Variants in WDR62 observed in about 807,000 individuals in gnomAD.
The protein encoded by WDR62 is WD repeat domain 62, also known as WD repeat-containing protein 62.
Under a neutral mutation model 160.6 loss-of-function variants are expected in WDR62, and 112 were observed. The ratio of observed to expected loss-of-function variants is 0.70; its 90% CI spans 0.60 to 0.82. The LOEUF (loss-of-function observed/expected upper bound fraction) is 0.82. Among genes scored for constraint, WDR62 ranks in the 40% least tolerant of loss-of-function variants. The pLI, the probability that WDR62 is intolerant of heterozygous loss-of-function variation, is 0.00. For synonymous variants in WDR62, 792 were observed against 815.1 expected (o/e 0.97, Z 0.48); for missense variants, 1,819 against 1,983.8 (o/e 0.92, Z 1.58).
intron 23 of WDR62, 48 bp downstream of exon 23, chr19:36,100,923 C>T: frequency 6.2e-7 from 1 of 1,613,242 alleles, no homozygotes; most frequent in Non-Finnish European, 8.5e-7. Context: ...GAACCCCCAG[C>T]TGATAGCTGC....
chr19:36,086,248 G>A (rs1453704659), intron 12 of WDR62, among the ~76,000 whole-genome samples: 1 of 151,998 alleles, frequency 6.6e-6, no homozygotes, highest in Non-Finnish European at 1.5e-5. Flanking sequence ...GCTGGTGGCA[G>A]ATGGGAGTCT....
chr19:36,066,233 C>G (rs771948844), intron 4 of WDR62, 24 bp from the exon 5 acceptor site: 8 of 1,613,826 alleles, frequency 5.0e-6, no homozygotes, highest in Non-Finnish European at 6.8e-6. Context: ...AGCCCAGCAG[C>G]AGTAACGACC....
rs771023897 is a variant in WDR62, at chr19:36,101,187, C to T, written c.2868-27C>T. The T allele has an allele frequency of 5.7e-6, 9 of 1,590,496 alleles. No individual in the cohort carries two copies. The African/African-American group carries it at 8.0e-5, about 14-fold the overall frequency. ...TGAGTCTCCAGCTGAAGTCCTTGTT[C>T]CCTCTCTGCCCCCACTGGCACTGCA... is the stretch of plus-strand genomic sequence containing the variant. On this transcript the variant is annotated intron_variant, in intron 23 of 31. Transcript: ENST00000401500.
At chr19:36,081,709 C>T in intron 10 of WDR62, 139 bp downstream of exon 10, 4 of 1,066,828 alleles carry the variant, frequency 3.7e-6, no homozygotes, top group Non-Finnish European at 5.7e-6. Context: ...AAGGCAGGTC[C>T]CTCTCTGCAT....
chr19:36,098,819 A>T (rs1973136169), intron 21 of WDR62, among the ~76,000 whole-genome samples: 1 of 151,960 alleles, frequency 6.6e-6, no homozygotes, highest in Non-Finnish European at 1.5e-5. Flanking sequence ...AAAGTTCATG[A>T]ATCCCAGCTG....
In WDR62 at chr19:36,104,574, G is replaced by A; in HGVS notation, c.4210G>A (p.Val1404Ile). The change falls in exon 31 of 32, where the codon GTT becomes ATT. Residue 1404 changes from valine to isoleucine, a missense_variant. By Grantham distance (29) the Val-to-Ile change is conservative. Coordinates refer to ENST00000401500, the MANE Select transcript of WDR62 (RefSeq NM_001083961.2). Reference protein sequence around the residue: ...PARWSEPWVPVEALPPSPLEL... With the variant: ...PARWSEPWVPIEALPPSPLEL... ...CCGCTGGAGTGAGCCCTGGGTGCCG[G>A]TTGAAGCCCTGCCCCCATCTCCCCT... is the stretch of plus-strand genomic sequence containing the variant. 1 of 1,613,900 alleles carries A rather than the reference G, an allele frequency of 6.2e-7. No homozygotes were observed. Among genetic ancestry groups the A allele is most frequent in the Non-Finnish European group, 8.5e-7 (1 of 1,179,992 alleles).
At chr19:36,061,895 C>T (rs948944882) in intron 3 of WDR62, 1 of 150,796 alleles carries the variant, frequency 6.6e-6, no homozygotes, top group Non-Finnish European at 1.5e-5. Context: ...GTACAAAGAG[C>T]TCCTATATAC....
intron 21 of WDR62, among the ~76,000 whole-genome samples, chr19:36,099,071 A>G (rs1973154501): frequency 6.6e-6 from 1 of 151,916 alleles, no homozygotes; most frequent in Non-Finnish European, 1.5e-5. Context: ...AAAATACAAA[A>G]ATTAGCCAGG....
Position 36,066,283 on chromosome 19 carries a change from C to A in WDR62, c.417C>A (p.Ile139=). 1 of 1,614,230 alleles carries A rather than the reference C, an allele frequency of 6.2e-7. No individual in the cohort carries two copies. Among genetic ancestry groups the A allele is most frequent in the South Asian group, 1.1e-5 (1 of 91,092 alleles). Residue 139 remains isoleucine (I), a synonymous_variant, in exon 5 of 32, where the codon ATC becomes ATA. Transcript: ENST00000401500. The part of the protein sequence containing the change: ...GENGHRPAVR[I]WDVEEKNQVA... Reference sequence around the variant, plus strand: ...ATGGGCATAGGCCTGCTGTGCGCATCTGGGATGTGGAGGAGAAGAATCAGG... The same window carrying A: ...ATGGGCATAGGCCTGCTGTGCGCATATGGGATGTGGAGGAGAAGAATCAGG...
At chr19:36,078,379 C>G (rs1329346035) in intron 9 of WDR62, among the ~76,000 whole-genome samples, 1 of 151,652 alleles carries the variant, frequency 6.6e-6, no homozygotes, top group Non-Finnish European at 1.5e-5. Context: ...AACTCCTCGC[C>G]TCAAGTGATT....
intron 13 of WDR62, among the ~76,000 whole-genome samples, chr19:36,088,101 C>T (rs1409824541): frequency 6.6e-6 from 1 of 152,184 alleles, no homozygotes; most frequent in East Asian, 1.9e-4. Context: ...CCTCCTTGAG[C>T]AACATCTAAT....
In WDR62 at chr19:36,059,724, G is replaced by A. The variant is rs1041085343; in HGVS notation, c.270-244G>A. ...GTGCTGGGATTATAGCCAGCTTAAG[G>A]TCTTAATTAGCCTAGGGCCTGACAG... On this transcript the variant is annotated intron_variant, in intron 2 of 31. Coordinates refer to ENST00000401500, the MANE Select transcript of WDR62 (RefSeq NM_001083961.2). Among the ~76,000 whole-genome samples the A allele has an allele frequency of 1.3e-5, 2 of 152,234 alleles. 1 individual carries two copies. The highest frequency in any genetic ancestry group is 6.8e-3 in the Middle Eastern group (2 of 294).
intron 3 of WDR62, chr19:36,061,664 T>A (rs1420734251): frequency 6.6e-6 from 1 of 152,208 alleles, no homozygotes; most frequent in Non-Finnish European, 1.5e-5. Flanking sequence ...GTAGATGGTA[T>A]GCAGGTGTCC....
At chr19:36,065,874 C>A in intron 3 of WDR62, 84 bp from the exon 4 acceptor site, 1 of 1,348,230 alleles carries the variant, frequency 7.4e-7, no homozygotes, top group South Asian at 1.2e-5. Flanking sequence ...CAGAAGAGGG[C>A]AGAGTCCTAT....
At chr19:36,080,490 G>C (rs1462767729) in intron 9 of WDR62, among the ~76,000 whole-genome samples, 3 of 150,808 alleles carry the variant, frequency 2.0e-5, no homozygotes, top group Non-Finnish European at 4.4e-5. Context: ...GCAATGGCGC[G>C]ATCTTGGCTC....
intron 9 of WDR62, chr19:36,074,104 G>A (rs1971450798): frequency 7.7e-6 from 2 of 258,692 alleles, no homozygotes; most frequent in Admixed American, 4.8e-5. Context: ...TTTGAGACCA[G>A]CCTGGGCAAC....
In WDR62 at chr19:36,071,736, G is replaced by A. The variant is rs751886282; in HGVS notation, c.1043+20G>A. 5 of 1,603,870 alleles carry A rather than the reference G, an allele frequency of 3.1e-6. No individual in the cohort carries two copies. In the South Asian group the frequency reaches 4.4e-5, roughly 14 times the overall value. ...GCCCAGGTACTGCCCTGTGGGGAGA[G>A]GGAATGGGAGGGGCCCACCCAGAGT... On this transcript the variant is annotated intron_variant, in intron 8 of 31. Coordinates refer to ENST00000401500, the MANE Select transcript of WDR62 (RefSeq NM_001083961.2).
chr19:36,091,488 A>G, intron 18 of WDR62, 23 bp downstream of exon 18: 1 of 1,612,162 alleles, frequency 6.2e-7, no homozygotes, highest in South Asian at 1.1e-5. Flanking sequence ...CCTTTGGGAG[A>G]GTTGTGGCTC....
intron 7 of WDR62, chr19:36,071,199 T>C (rs1460850838): frequency 4.0e-6 from 1 of 250,846 alleles, no homozygotes; most frequent in Admixed American, 5.2e-5. Flanking sequence ...AAAAACTCTA[T>C]CTCAAAAAAA....
Sources: gnomAD v4.1 joint callset for allele counts (sites outside exome capture counted in the v4.1 genomes callset) on GRCh38, gnomAD v4.1.1 for gene constraint, MANE v1.5 for transcripts, NCBI Gene and HGNC (gene_info 2026-07-23, HGNC 2026-07-21) for gene names.